ADGRB1: variants seen among roughly 807,000 people sequenced by gnomAD.
The protein encoded by ADGRB1 is adhesion G protein-coupled receptor B1.
ADGRB1 carries 36 observed loss-of-function variants against 175.7 expected under a neutral mutation model. The observed-to-expected ratio is 0.20, with a 90% confidence interval of 0.16 to 0.27. ADGRB1 has a LOEUF of 0.27. Ranked by LOEUF, ADGRB1 falls within the 10% of genes least tolerant of loss-of-function variation. The pLI is 1.00. For missense variants in ADGRB1, 1,731 were observed against 2,255.3 expected (o/e 0.77, Z 4.71); for synonymous variants, 1,054 against 979.4 (o/e 1.08, Z -1.42).
chr8:142,523,415 G>C (rs1843980364), intron 22 of ADGRB1, among the ~76,000 whole-genome samples: 1 of 151,718 alleles, frequency 6.6e-6, no homozygotes, highest in Non-Finnish European at 1.5e-5. Context: ...GGGCGGAGCA[G>C]GCCTGGCTCA....
rs1163483100 is a variant in ADGRB1, at chr8:142,453,045, CT to C, written c.-220+2942del. On this transcript the variant is annotated intron_variant, in intron 1 of 30. Coordinates refer to ENST00000517894, the MANE Select transcript of ADGRB1 (RefSeq NM_001702.3). ...TCCCTCCCGCCCGCCCGCCCGCCCG[CT>C]CGCTCGCTCGCTCGCCGTCCGCTCC... is the stretch of plus-strand genomic sequence containing the variant. Among the ~76,000 whole-genome samples the C allele has an allele frequency of 2.6e-4, 13 of 50,892 alleles. No homozygotes were observed. The African/African-American group carries it at 3.4e-3, about 13-fold the overall frequency. 33.4% of individuals were successfully genotyped at this position (50,892 alleles called of 152,430 possible). A position where few individuals can be genotyped will look rare whatever the true frequency, so the allele number is the denominator to read the frequency against.
intron 27 of ADGRB1, 83 bp downstream of exon 27, chr8:142,539,496 A>G: frequency 6.7e-7 from 1 of 1,494,632 alleles, no homozygotes; most frequent in Non-Finnish European, 9.1e-7. Context: ...TGCCTCCCCC[A>G]CATCACCCAT....
chr8:142,479,464 A>G lies in ADGRB1; in HGVS notation c.1703A>G (p.Gln568Arg), dbSNP rs1217413449. Reference protein sequence around the residue: ...ACQGPQDEYRQCGTQRCPEPH... With the variant: ...ACQGPQDEYRRCGTQRCPEPH... ...CAGGGCCCCCAGGATGAGTACCGGCAGTGCGGCACCCAGCGGTGTCCCGGT... is the reference window on the plus strand; with the variant it reads ...CAGGGCCCCCAGGATGAGTACCGGCGGTGCGGCACCCAGCGGTGTCCCGGT... Residue 568 changes from glutamine to arginine, a missense_variant, in exon 8 of 31, where the codon CAG (glutamine) becomes CGG (arginine). Around this residue, in one of 8 missense-constraint regions of ADGRB1, gnomAD observed 388 missense variants for 630.9 expected, o/e 0.61. Coordinates refer to ENST00000517894, the MANE Select transcript of ADGRB1 (RefSeq NM_001702.3). 6.4e-7 allele frequency: 1 copy of G among 1,553,982 alleles called. No individual in the cohort carries two copies. Among genetic ancestry groups the G allele is most frequent in the Non-Finnish European group, 8.6e-7 (1 of 1,156,122 alleles).
chr8:142,490,860 T>A, intron 17 of ADGRB1, 45 bp downstream of exon 17: 4 of 1,553,488 alleles, frequency 2.6e-6, no homozygotes, highest in Non-Finnish European at 3.5e-6. Flanking sequence ...TGGGGTGGGG[T>A]TCGTGGGAGG....
chr8:142,533,948 T>C (rs1417364015), intron 25 of ADGRB1, among the ~76,000 whole-genome samples: 1 of 152,180 alleles, frequency 6.6e-6, no homozygotes. Context: ...TGGGAAAGCA[T>C]GCATGTCGAC....
At chr8:142,529,388 CTTT>C (rs1563744939) in intron 24 of ADGRB1, among the ~76,000 whole-genome samples, 1 of 151,992 alleles carries the variant, frequency 6.6e-6, no homozygotes, top group African/African-American at 2.4e-5. Flanking sequence ...TTGTTTCAGG[CTTT>C]TAATTTCGCT....
At chr8:142,485,792 C>G (rs1423166377) in intron 13 of ADGRB1, among the ~76,000 whole-genome samples, 1 of 152,234 alleles carries the variant, frequency 6.6e-6, no homozygotes, top group Admixed American at 6.5e-5. Context: ...ATAACCCTGT[C>G]TCAGTCCATT....
At chr8:142,473,696 G>C (rs978265061) in intron 2 of ADGRB1, among the ~76,000 whole-genome samples, 5 of 152,246 alleles carry the variant, frequency 3.3e-5, no homozygotes, top group African/African-American at 1.2e-4. Flanking sequence ...GGACCTGTGG[G>C]AGTATGGCTC....
intron 17 of ADGRB1, among the ~76,000 whole-genome samples, chr8:142,506,643 G>A (rs961429625): frequency 6.6e-6 from 1 of 152,238 alleles, no homozygotes; most frequent in Non-Finnish European, 1.5e-5. Flanking sequence ...GCCCCCTGCA[G>A]CAGGAAGGAT....
chr8:142,469,195 G>A (rs1587269515), intron 2 of ADGRB1, among the ~76,000 whole-genome samples: 1 of 151,646 alleles, frequency 6.6e-6, no homozygotes, highest in Non-Finnish European at 1.5e-5. Flanking sequence ...GTGTGCACAT[G>A]TGCATGTGTG....
intron 24 of ADGRB1, among the ~76,000 whole-genome samples, chr8:142,528,219 A>G (rs73714311): frequency 0.03 from 4,563 of 152,322 alleles, 212 homozygotes; most frequent in African/African-American, 0.098. Flanking sequence ...AGACACACGG[A>G]AAGGGGACTG....
intron 17 of ADGRB1, among the ~76,000 whole-genome samples, chr8:142,502,562 G>T (rs1842669500): frequency 1.1e-5 from 1 of 87,886 alleles, no homozygotes; most frequent in Non-Finnish European, 2.7e-5. Flanking sequence ...TGGTGGTGGT[G>T]GTGATAGGAT....
chr8:142,499,646 C>G (rs2131949170), intron 17 of ADGRB1, among the ~76,000 whole-genome samples: 1 of 149,598 alleles, frequency 6.7e-6, no homozygotes, highest in South Asian at 2.2e-4. Context: ...TTGGGAGCGG[C>G]TGGGGTGGGT....
chr8:142,488,905 G>T (rs1010702871), intron 14 of ADGRB1, 130 bp from the exon 15 acceptor site: 6 of 1,181,224 alleles, frequency 5.1e-6, no homozygotes, highest in Non-Finnish European at 3.6e-6. Flanking sequence ...CTCACCATCC[G>T]CCAGGGCCCT....
At chr8:142,476,998 G>T (rs1368278225) in intron 4 of ADGRB1, 116 bp from the exon 5 acceptor site, 1 of 1,368,292 alleles carries the variant, frequency 7.3e-7, no homozygotes, top group African/African-American at 1.5e-5. Flanking sequence ...CGGGGGCTCT[G>T]CCCCAGCCCC....
At chr8:142,484,112 G>A in intron 12 of ADGRB1, 67 bp downstream of exon 12, 10 of 1,450,810 alleles carry the variant, frequency 6.9e-6, no homozygotes, top group Non-Finnish European at 9.4e-6. Context: ...TGCCTCCCTG[G>A]TCTCCAGTCG....
chr8:142,451,915 C>T (rs1839373372), intron 1 of ADGRB1, among the ~76,000 whole-genome samples: 1 of 152,156 alleles, frequency 6.6e-6, no homozygotes, highest in African/African-American at 2.4e-5. Context: ...TCTGCGCCCG[C>T]ACGCCGGGGT....
intron 18 of ADGRB1, 76 bp from the exon 19 acceptor site, chr8:142,518,062 G>T: frequency 7.0e-7 from 1 of 1,434,064 alleles, no homozygotes; most frequent in East Asian, 2.3e-5. Context: ...GCGGGCTCTC[G>T]GGTCTCAGTC....
At position 142,490,181 on chromosome 8, in the gene ADGRB1, G is replaced by A. The variant is rs193150803; in HGVS notation, c.2632-591G>A. 2.4e-4 allele frequency among the ~76,000 whole-genome samples: 36 copies of A among 152,306 alleles called. No homozygotes were observed. In the East Asian group the frequency reaches 4.1e-3, roughly 17 times the overall value. On this transcript the variant is annotated intron_variant, in intron 16 of 30. Coordinates refer to ENST00000517894, the MANE Select transcript of ADGRB1 (RefSeq NM_001702.3). The stretch of plus-strand genomic sequence containing the variant: ...CTTGGGAGAGTTGTTCAGCCTCTCC[G>A]TGCCATGGTTCCCTCCCTTATCAAG...
Sources: gnomAD v4.1 joint callset for allele counts (sites outside exome capture counted in the v4.1 genomes callset) on GRCh38, gnomAD v4.1.1 for gene constraint, gnomAD v4.1.1 regional missense constraint, MANE v1.5 for transcripts, NCBI Gene and HGNC (gene_info 2026-07-23, HGNC 2026-07-21) for gene names.